Variants in SUMF1 observed in about 807,000 individuals in gnomAD.
The protein encoded by SUMF1 is formylglycine-generating enzyme.
In SUMF1, 48 loss-of-function variants were observed where a neutral mutation model predicts 47.6. The observed-to-expected ratio is 1.01, with a 90% confidence interval of 0.80 to 1.28. The LOEUF is 1.28. SUMF1 is among the 50% of genes most tolerant of loss of function. The pLI is 0.00. For synonymous variants in SUMF1, 230 were observed against 192.1 expected, an observed-to-expected ratio of 1.20 and a Z score of -1.63; for missense variants, 571 against 485.4, an observed-to-expected ratio of 1.18 and a Z score of -1.66.
chr3:4,136,848 G>A (rs1398367449), intron 8 of SUMF1, among the ~76,000 whole-genome samples: 3 of 152,076 alleles, frequency 2.0e-5, no homozygotes, highest in Non-Finnish European at 2.9e-5. Flanking sequence ...AGACATTTAT[G>A]CAGCCAAAAA....
chr3:4,118,243 A>G (rs1453557577), intron 8 of SUMF1, among the ~76,000 whole-genome samples: 1 of 152,056 alleles, frequency 6.6e-6, no homozygotes, highest in Non-Finnish European at 1.5e-5. Flanking sequence ...AAGATATTGC[A>G]TGCTTGAAAA....
At chr3:4,313,895 C>T (rs989777016) in intron 8 of SUMF1, 1 of 1,440,048 alleles carries the variant, frequency 6.9e-7, no homozygotes, top group African/African-American at 1.4e-5. Flanking sequence ...CATCAGTATC[C>T]TTTCCCCTTT....
At chr3:4,228,932 A>G (rs1696235961) in intron 8 of SUMF1, among the ~76,000 whole-genome samples, 1 of 152,130 alleles carries the variant, frequency 6.6e-6, no homozygotes, top group South Asian at 2.1e-4. Context: ...AAGGTGAATT[A>G]TTGTAACTAA....
intron 3 of SUMF1, among the ~76,000 whole-genome samples, chr3:4,443,647 C>T (rs866467801): frequency 3.3e-5 from 5 of 151,976 alleles, no homozygotes; most frequent in South Asian, 4.2e-4. Context: ...TGCCTGTTGT[C>T]CCCACTACTT....
intron 8 of SUMF1, among the ~76,000 whole-genome samples, chr3:4,250,445 G>A (rs796735180): frequency 1.7e-4 from 26 of 152,262 alleles, no homozygotes; most frequent in African/African-American, 5.8e-4. Context: ...AGCAAGAGCG[G>A]ATGGAGAAGC....
intron 8 of SUMF1, among the ~76,000 whole-genome samples, chr3:4,300,339 C>T (rs950319147): frequency 2.6e-5 from 4 of 152,206 alleles, no homozygotes; most frequent in Non-Finnish European, 4.4e-5. Flanking sequence ...ACTACCTGTA[C>T]AGCCTGCAGA....
Position 4,040,005 on chromosome 3 carries a change from G to A in SUMF1, c.1191+28564C>T, listed in dbSNP as rs898038041. On this transcript the variant is annotated intron_variant and NMD_transcript_variant, in intron 9 of 12. Transcript: ENST00000448413. ...CCATAGCACTCCAACATGGGCAACA[G>A]AGACCTGTCTCAAGAAAAAAAATGT... is the stretch of plus-strand genomic sequence containing the variant. Among the ~76,000 whole-genome samples the A allele has an allele frequency of 3.7e-4, 57 of 152,226 alleles. 1 individual carries two copies. Among genetic ancestry groups the A allele is most frequent in the Admixed American group, 2.5e-3 (38 of 15,282 alleles).
At chr3:4,265,915 A>G (rs1443833707) in intron 8 of SUMF1, among the ~76,000 whole-genome samples, 1 of 152,052 alleles carries the variant, frequency 6.6e-6, no homozygotes, top group African/African-American at 2.4e-5. Context: ...TATAAGGTGT[A>G]AGGAAGGGAT....
At chr3:4,181,994 T>C (rs1285905296) in intron 8 of SUMF1, among the ~76,000 whole-genome samples, 1 of 152,200 alleles carries the variant, frequency 6.6e-6, no homozygotes, top group Non-Finnish European at 1.5e-5. Context: ...AAAATATACA[T>C]AATTTCATTG....
chr3:4,402,315 G>C (rs191278256), intron 7 of SUMF1, among the ~76,000 whole-genome samples: 22 of 152,212 alleles, frequency 1.4e-4, no homozygotes, highest in Admixed American at 1.4e-3. Context: ...CCTTTCTAAA[G>C]GTACCTCCTC....
intron 8 of SUMF1, among the ~76,000 whole-genome samples, chr3:4,099,073 T>C (rs1236958975): frequency 6.6e-6 from 1 of 152,108 alleles, no homozygotes; most frequent in Non-Finnish European, 1.5e-5. Flanking sequence ...AGTTATGAGA[T>C]GGCATAAAAA....
chr3:4,035,393 CTCTGCGTTCATGTGA>C (rs1694774539), intron 9 of SUMF1, among the ~76,000 whole-genome samples: 1 of 152,144 alleles, frequency 6.6e-6, no homozygotes. Context: ...CTACCTCTGC[CTCTGCGTTCATGTGA>C]GTTTCTCATC....
chr3:4,128,187 G>C (rs1316794549), intron 8 of SUMF1, among the ~76,000 whole-genome samples: 1 of 152,136 alleles, frequency 6.6e-6, no homozygotes, highest in Admixed American at 6.6e-5. Flanking sequence ...AAAAGCTAAA[G>C]TTGTGGAAAA....
At chr3:4,136,295 A>G (rs549595385) in intron 8 of SUMF1, among the ~76,000 whole-genome samples, 9 of 152,248 alleles carry the variant, frequency 5.9e-5, no homozygotes, top group African/African-American at 2.2e-4. Context: ...CCAAAGGAAT[A>G]GAGCCCTCAG....
chr3:4,162,938 A>G (rs754127666), intron 8 of SUMF1, among the ~76,000 whole-genome samples: 1 of 152,138 alleles, frequency 6.6e-6, no homozygotes, highest in Non-Finnish European at 1.5e-5. Context: ...TAATGAAAGA[A>G]AAATGAAAAA....
chr3:4,311,297 T>C (rs3804780), intron 8 of SUMF1, among the ~76,000 whole-genome samples: 20,036 of 152,178 alleles, frequency 0.13, 1,376 homozygotes, highest in Middle Eastern at 0.19. Context: ...AATACCTTTC[T>C]AAAGCCTGGC....
At chr3:4,122,121 G>A (rs1225268212) in intron 8 of SUMF1, among the ~76,000 whole-genome samples, 1 of 151,896 alleles carries the variant, frequency 6.6e-6, no homozygotes, top group Admixed American at 6.6e-5. Context: ...TGACACTGAT[G>A]GACATTTAGG....
At chr3:4,307,967 T>C (rs184926880) in intron 8 of SUMF1, among the ~76,000 whole-genome samples, 2 of 152,218 alleles carry the variant, frequency 1.3e-5, no homozygotes, top group East Asian at 3.9e-4. Context: ...AGCCCAGCAG[T>C]TGGAGCCTGC....
chr3:4,460,421 G>A (rs1413895974), intron 1 of SUMF1, among the ~76,000 whole-genome samples: 15 of 151,942 alleles, frequency 9.9e-5, no homozygotes, highest in African/African-American at 3.1e-4. Context: ...TCGCCTTTCA[G>A]AATAACATAT....
Sources: gnomAD v4.1 joint callset for allele counts (sites outside exome capture counted in the v4.1 genomes callset) on GRCh38, gnomAD v4.1.1 for gene constraint, MANE v1.5 for transcripts, NCBI Gene and HGNC (gene_info 2026-07-23, HGNC 2026-07-21) for gene names.